The following TMEM123 variants were observed in gnomAD, a reference collection of about 807,000 sequenced individuals.
TMEM123 encodes transmembrane protein 123, also known as porimin.
Under a neutral mutation model 19.7 loss-of-function variants are expected in TMEM123, and 16 were observed. That is an observed-to-expected ratio of 0.81 (90% confidence interval 0.55 to 1.23). The LOEUF (loss-of-function observed/expected upper bound fraction) is 1.23. Ranked by LOEUF, TMEM123 falls within the 50% of genes most tolerant of loss-of-function variation. The pLI, the probability that TMEM123 is intolerant of heterozygous loss-of-function variation, is 0.00. For missense variants in TMEM123, 313 were observed against 257.8 expected (o/e 1.21, Z -1.47); for synonymous variants, 118 against 99.4 (o/e 1.19, Z -1.12).
At position 102,396,828 on chromosome 11, in the gene TMEM123, G is replaced by A. The variant is rs1005095160; in HGVS notation, c.*2039C>T. 3.9e-5 allele frequency: 6 copies of A among 152,148 alleles called. No individual in the cohort carries two copies. The highest frequency in any genetic ancestry group is 1.4e-4 in the African/African-American group (6 of 41,432). 9.4% of individuals were successfully genotyped at this position (152,148 alleles called of 1,614,324 possible). On this transcript the variant is annotated 3_prime_UTR_variant, in exon 5 of 5. Coordinates refer to ENST00000398136, the MANE Select transcript of TMEM123 (RefSeq NM_052932.3). ...TGCAGAGGAAACTTTCAAGGCAAAT[G>A]ATGACTTAGTACTTAAAAAGTGGTT...
intron 2 of TMEM123, among the ~76,000 whole-genome samples, chr11:102,412,114 A>G (rs1952010488): frequency 1.3e-5 from 2 of 152,134 alleles, no homozygotes. Context: ...ACCAGTCTAT[A>G]CATCATATTA....
intron 2 of TMEM123, among the ~76,000 whole-genome samples, chr11:102,419,235 C>T (rs957766856): frequency 3.9e-5 from 6 of 152,190 alleles, no homozygotes; most frequent in East Asian, 1.9e-4. Context: ...TTAAGGTACA[C>T]GTTGTACTAA....
intron 1 of TMEM123, among the ~76,000 whole-genome samples, chr11:102,450,628 C>A (rs1282001065): frequency 2.0e-5 from 3 of 152,178 alleles, no homozygotes; most frequent in African/African-American, 7.2e-5. Flanking sequence ...CTTCAAGAGC[C>A]ATCATCATCT....
Position 102,402,120 on chromosome 11 carries a change from T to C in TMEM123, c.244A>G (p.Ser82Gly), listed in dbSNP as rs780939258. 1.9e-6 allele frequency: 3 copies of C among 1,614,084 alleles called. No homozygotes were observed. Among genetic ancestry groups the C allele is most frequent in the Middle Eastern group, 1.6e-4 (1 of 6,084 alleles). The change falls in exon 3 of 5, where the codon AGT becomes GGT. Residue 82 changes from serine (S) to glycine (G), a missense_variant. Physicochemically the swap from Ser to Gly is moderately conservative, Grantham distance 56. Coordinates refer to ENST00000398136, the MANE Select transcript of TMEM123 (RefSeq NM_052932.3). ...KPPTSVASDS[S>G]NTTVTTMKPT... ...TTCATGGTGGTGACCGTTGTATTAC[T>C]GGAGTCTGAGGCAACTGAAGTTGGT...
chr11:102,427,884 A>G (rs913978247), intron 2 of TMEM123, among the ~76,000 whole-genome samples: 1 of 152,056 alleles, frequency 6.6e-6, no homozygotes, highest in Non-Finnish European at 1.5e-5. Flanking sequence ...AAATGTAAAC[A>G]TTCTACCAGT....
intron 2 of TMEM123, among the ~76,000 whole-genome samples, chr11:102,408,455 C>G (rs772059044): frequency 4.6e-5 from 7 of 152,208 alleles, no homozygotes; most frequent in Non-Finnish European, 8.8e-5. Context: ...AGCTCAAGCT[C>G]TGGATCAGCT....
intron 2 of TMEM123, among the ~76,000 whole-genome samples, chr11:102,414,497 C>T (rs761069342): frequency 2.6e-5 from 4 of 152,204 alleles, no homozygotes; most frequent in Non-Finnish European, 5.9e-5. Flanking sequence ...AACAGCAGAC[C>T]TTTCTGCAGA....
At chr11:102,452,247 C>A (rs1438050361) in intron 1 of TMEM123, 3 of 344,958 alleles carry the variant, frequency 8.7e-6, no homozygotes, top group Non-Finnish European at 1.6e-5. Context: ...TGCGGTAACT[C>A]AACAGGTTAT....
chr11:102,415,116 G>A (rs1952034098), intron 2 of TMEM123, among the ~76,000 whole-genome samples: 2 of 152,108 alleles, frequency 1.3e-5, no homozygotes, highest in Non-Finnish European at 2.9e-5. Context: ...ATGATACAGG[G>A]TTACCTCAAC....
intron 2 of TMEM123, among the ~76,000 whole-genome samples, chr11:102,431,749 T>TC (rs1857712215): frequency 1.3e-5 from 2 of 152,204 alleles, no homozygotes. Context: ...GCTGGCTGTG[T>TC]CCCCACCCAA....
At chr11:102,432,883 G>A (rs548852616) in intron 2 of TMEM123, among the ~76,000 whole-genome samples, 1 of 147,596 alleles carries the variant, frequency 6.8e-6, no homozygotes, top group East Asian at 1.9e-4. Flanking sequence ...CATTGCTTCA[G>A]AGGGTGCAAG....
Position 102,437,728 on chromosome 11 carries a change from A to G in TMEM123, c.157+11084T>C, listed in dbSNP as rs17097778. On this transcript the variant is annotated intron_variant, in intron 2 of 4. Transcript: ENST00000398136. ...CACTATAGAATTTAAAAAGACCCAG[A>G]GACATTAACAAGAATCCACATTCTA... is the stretch of plus-strand genomic sequence containing the variant. Among the ~76,000 whole-genome samples the G allele has an allele frequency of 2.1e-3, 322 of 152,346 alleles. 10 individuals carry two copies. The East Asian group carries it at 0.028, about 13-fold the overall frequency.
chr11:102,424,421 C>T (rs1317800553), intron 2 of TMEM123, among the ~76,000 whole-genome samples: 1 of 152,218 alleles, frequency 6.6e-6, no homozygotes, highest in Non-Finnish European at 1.5e-5. Context: ...CACAGTGGCT[C>T]ACGCCTATAA....
At chr11:102,434,743 T>C (rs1453210741) in intron 2 of TMEM123, among the ~76,000 whole-genome samples, 1 of 151,964 alleles carries the variant, frequency 6.6e-6, no homozygotes, top group African/African-American at 2.4e-5. Context: ...TCATTTTGAG[T>C]TGATTTTTCC....
At chr11:102,423,522 A>G (rs1952102809) in intron 2 of TMEM123, among the ~76,000 whole-genome samples, 1 of 152,216 alleles carries the variant, frequency 6.6e-6, no homozygotes, top group Non-Finnish European at 1.5e-5. Context: ...AGCAAGCCAC[A>G]CTGGAAGAAA....
In TMEM123 at chr11:102,442,155, T is replaced by C. The variant is rs926943179; in HGVS notation, c.157+6657A>G. 2.4e-4 allele frequency among the ~76,000 whole-genome samples: 36 copies of C among 152,216 alleles called. 1 individual carries two copies. The highest frequency in any genetic ancestry group is 8.7e-4 in the African/African-American group (36 of 41,454). On this transcript the variant is annotated intron_variant, in intron 2 of 4. Coordinates refer to ENST00000398136, the MANE Select transcript of TMEM123 (RefSeq NM_052932.3). ...GAGCTGGTAGCACTCCTTCTGAAACTATTCCAATCAACAGAAAAAGAGGGA... is the reference window on the plus strand; with the variant it reads ...GAGCTGGTAGCACTCCTTCTGAAACCATTCCAATCAACAGAAAAAGAGGGA...
At chr11:102,408,779 C>G (rs1304705912) in intron 2 of TMEM123, among the ~76,000 whole-genome samples, 1 of 152,170 alleles carries the variant, frequency 6.6e-6, no homozygotes, top group East Asian at 1.9e-4. Context: ...TATGGAAGAA[C>G]ACACTACTGG....
chr11:102,429,668 C>T (rs530576288), intron 2 of TMEM123, among the ~76,000 whole-genome samples: 4 of 152,312 alleles, frequency 2.6e-5, no homozygotes, highest in African/African-American at 9.6e-5. Context: ...TCCTGACAAT[C>T]ATAGCATTCT....
chr11:102,422,809 C>A (rs1441304714), intron 2 of TMEM123, among the ~76,000 whole-genome samples: 3 of 152,186 alleles, frequency 2.0e-5, no homozygotes, highest in South Asian at 4.1e-4. Context: ...TCATTTCTCA[C>A]AGTATTTAAA....
Sources: gnomAD v4.1 joint callset for allele counts (sites outside exome capture counted in the v4.1 genomes callset) on GRCh38, gnomAD v4.1.1 for gene constraint, MANE v1.5 for transcripts, NCBI Gene and HGNC (gene_info 2026-07-23, HGNC 2026-07-21) for gene names.